Variants in MIS18BP1 observed in about 807,000 individuals in gnomAD.
MIS18BP1 encodes the protein mis18-binding protein 1.
In MIS18BP1, 72 loss-of-function variants were observed where a neutral mutation model predicts 116.1. That is an observed-to-expected ratio of 0.62 (90% confidence interval 0.51 to 0.75). The LOEUF is 0.75. MIS18BP1 is among the 30% of genes least tolerant of loss of function. The probability of loss-of-function intolerance (pLI) is 0.00; values close to 1 mark genes in which losing one functional copy is unlikely to be tolerated. For missense variants in MIS18BP1, 1,363 were observed against 1,303.2 expected, an observed-to-expected ratio of 1.05 and a Z score of -0.71; for synonymous variants, 386 against 427.0, an observed-to-expected ratio of 0.90 and a Z score of 1.18.
intron 4 of MIS18BP1, among the ~76,000 whole-genome samples, chr14:45,238,870 T>C (rs1425912978): frequency 6.6e-6 from 1 of 152,154 alleles, no homozygotes; most frequent in Non-Finnish European, 1.5e-5. Context: ...GTCTCAGTAG[T>C]AATGGCGAGG....
chr14:45,214,042 A>G (rs1890746527), intron 13 of MIS18BP1, among the ~76,000 whole-genome samples: 1 of 152,194 alleles, frequency 6.6e-6, no homozygotes, highest in South Asian at 2.1e-4. Context: ...TCTGCCTAGG[A>G]AAACCAGGTA....
intron 7 of MIS18BP1, 43 bp downstream of exon 7, chr14:45,232,690 T>C (rs1301451005): frequency 5.6e-6 from 6 of 1,069,508 alleles, no homozygotes; most frequent in Admixed American, 4.8e-5. Context: ...GTAAATTATA[T>C]CTCAATAAAG....
chr14:45,251,161 A>T (rs1891864019), intron 1 of MIS18BP1, among the ~76,000 whole-genome samples: 1 of 152,092 alleles, frequency 6.6e-6, no homozygotes, highest in Non-Finnish European at 1.5e-5. Flanking sequence ...TTTTTTTTAA[A>T]CTTATTTTTA....
At chr14:45,216,325 A>G (rs1262945834) in intron 13 of MIS18BP1, among the ~76,000 whole-genome samples, 1 of 152,168 alleles carries the variant, frequency 6.6e-6, no homozygotes, top group Non-Finnish European at 1.5e-5. Flanking sequence ...CAGTATCACC[A>G]TTGCTTCTGT....
intron 6 of MIS18BP1, among the ~76,000 whole-genome samples, chr14:45,233,305 AG>A (rs1192245276): frequency 6.6e-6 from 1 of 152,096 alleles, no homozygotes; most frequent in African/African-American, 2.4e-5. Flanking sequence ...TGGCATGAGG[AG>A]GGGGTTAGAA....
chr14:45,242,129 G>C lies in MIS18BP1; in HGVS notation c.1048C>G (p.His350Asp), dbSNP rs1566820335. 1 of 1,613,930 alleles carries C rather than the reference G, an allele frequency of 6.2e-7. No individual in the cohort carries two copies. The highest frequency in any genetic ancestry group is 8.5e-7 in the Non-Finnish European group (1 of 1,179,990). ...CKIVLATPRL[H>D]ITIPRRSKRN... Reference sequence around the variant, plus strand: ...TTTGACCTCCGAGGTATTGTTATATGAAGTCTTGGTGTTGCAAGTACAATT... The same window carrying C: ...TTTGACCTCCGAGGTATTGTTATATCAAGTCTTGGTGTTGCAAGTACAATT... The change falls in exon 4 of 17, where the codon CAT (histidine) becomes GAT (aspartate). Residue 350 changes from histidine to aspartate, a missense_variant. Physicochemically the swap from His to Asp is moderately conservative, Grantham distance 81. Coordinates refer to ENST00000310806, the MANE Select transcript of MIS18BP1 (RefSeq NM_018353.5).
intron 13 of MIS18BP1, among the ~76,000 whole-genome samples, chr14:45,215,706 C>G (rs1490522169): frequency 7.4e-6 from 1 of 135,826 alleles, no homozygotes; most frequent in Non-Finnish European, 1.6e-5. Context: ...CCACTGCACC[C>G]GGCTTTTTTT....
At chr14:45,241,996 A>C (rs1271512282) in intron 4 of MIS18BP1, 38 bp downstream of exon 4, 1 of 1,545,040 alleles carries the variant, frequency 6.5e-7, no homozygotes, top group Admixed American at 2.1e-5. Context: ...GAACGGGGTA[A>C]AAATAGAAAT....
chr14:45,224,973 TCA>T (rs1285044873), intron 10 of MIS18BP1, among the ~76,000 whole-genome samples: 11 of 152,196 alleles, frequency 7.2e-5, no homozygotes, highest in Admixed American at 5.9e-4. Context: ...CAGTGACTTC[TCA>T]CAGTCTTTTA....
chr14:45,232,753 A>C lies in MIS18BP1; in HGVS notation c.1416T>G (p.Asp472Glu). The C allele has an allele frequency of 6.8e-7, 1 of 1,466,694 alleles. No homozygotes were observed. The highest frequency in any genetic ancestry group is 9.3e-7 in the Non-Finnish European group (1 of 1,078,650). 90.9% of individuals were successfully genotyped at this position (1,466,694 alleles called of 1,614,324 possible). A position where few individuals can be genotyped will look rare whatever the true frequency, so the allele number is the denominator to read the frequency against. The change falls in exon 7 of 17, where the codon GAT (aspartate) becomes GAG (glutamate). Residue 472 changes from aspartate (D) to glutamate (E), a missense_variant. Transcript: ENST00000310806. ...GFPENWKEHI[D>E]NFLEQLRAGE... is the part of the protein sequence containing the mutation. ...TTTACCTTAATTGTTCCAGAAAATT[A>C]TCAATGTGCTCTTTCCAATTTTCTG...
chr14:45,229,941 T>C (rs1891230256), intron 8 of MIS18BP1, among the ~76,000 whole-genome samples: 1 of 152,254 alleles, frequency 6.6e-6, no homozygotes, highest in African/African-American at 2.4e-5. Flanking sequence ...GACTTTTTGC[T>C]AGCTCTGGGG....
intron 9 of MIS18BP1, among the ~76,000 whole-genome samples, 166 bp downstream of exon 9, chr14:45,227,497 A>G (rs1032364717): frequency 3.3e-5 from 5 of 151,388 alleles, no homozygotes; most frequent in Non-Finnish European, 7.4e-5. Flanking sequence ...ATAAGCCGAG[A>G]TCACGCCACT....
intron 13 of MIS18BP1, among the ~76,000 whole-genome samples, chr14:45,216,141 G>A (rs1001685854): frequency 1.3e-5 from 2 of 152,008 alleles, no homozygotes; most frequent in African/African-American, 2.4e-5. Flanking sequence ...CCAGTTTTTT[G>A]CTATGAAGAT....
intron 14 of MIS18BP1, among the ~76,000 whole-genome samples, chr14:45,207,589 G>A (rs867060386): frequency 2.6e-4 from 40 of 152,160 alleles, no homozygotes; most frequent in African/African-American, 9.4e-4. Flanking sequence ...AGATGGAGGC[G>A]GTAGTGAGCC....
chr14:45,235,788 A>ACT, intron 6 of MIS18BP1, 26 bp downstream of exon 6: 1 of 1,565,700 alleles, frequency 6.4e-7, no homozygotes, highest in Non-Finnish European at 8.6e-7. Flanking sequence ...TCTTAAAATA[A>ACT]CTTATCAATA....
intron 16 of MIS18BP1, 36 bp downstream of exon 16, chr14:45,204,363 G>A: frequency 6.3e-7 from 1 of 1,583,348 alleles, no homozygotes; most frequent in Non-Finnish European, 8.6e-7. Flanking sequence ...CCTTATAATA[G>A]AACTGAGCCA....
chr14:45,232,809 A>T lies in MIS18BP1; in HGVS notation c.1360T>A (p.Tyr454Asn). 1 of 1,409,878 alleles carries T rather than the reference A, an allele frequency of 7.1e-7. No individual in the cohort carries two copies. The allele number at this position is 1,409,878 out of a possible 1,614,324, so 87.3% of individuals were successfully genotyped here. Residue 454 changes from tyrosine (Y) to asparagine (N), a missense_variant, in exon 7 of 17, where the codon TAT (tyrosine) becomes AAT (asparagine). Tyr to Asn is a moderately radical substitution (Grantham distance 143). Transcript: ENST00000310806. ...CCAAACATAAATTTCCTTATGAGAT[A>T]ATTTGGATATCCTATTTAAGGATAA... ...ISMKEAGYPNYLIRKFMFGFP... is the reference protein window; with the variant it reads ...ISMKEAGYPNNLIRKFMFGFP...
chr14:45,223,268 C>CCAGA (rs1555371018), intron 11 of MIS18BP1, among the ~76,000 whole-genome samples: 36 of 152,200 alleles, frequency 2.4e-4, no homozygotes, highest in African/African-American at 8.2e-4. Context: ...TTGTGGGGCA[C>CCAGA]CAAACTTTAC....
chr14:45,243,087 C>T (rs1050665673), intron 2 of MIS18BP1, among the ~76,000 whole-genome samples: 4 of 152,164 alleles, frequency 2.6e-5, no homozygotes, highest in Admixed American at 6.5e-5. Flanking sequence ...ACCAACATTA[C>T]GGTGAGGAAG....
Sources: gnomAD v4.1 joint callset for allele counts (sites outside exome capture counted in the v4.1 genomes callset) on GRCh38, gnomAD v4.1.1 for gene constraint, MANE v1.5 for transcripts, NCBI Gene and HGNC (gene_info 2026-07-23, HGNC 2026-07-21) for gene names.